The following NUP35 variants were observed in gnomAD, a reference collection of about 807,000 sequenced individuals.
NUP35 encodes the protein nucleoporin 35, also known as nucleoporin NUP35.
A neutral mutation model predicts 41.5 loss-of-function variants in NUP35; 25 were observed. The observed-to-expected ratio is 0.60, with a 90% confidence interval of 0.44 to 0.84. The LOEUF is 0.84. Among genes scored for constraint, NUP35 ranks in the 40% least tolerant of loss-of-function variants. NUP35 has a pLI of 0.00. For missense variants in NUP35, 396 were observed against 396.6 expected (o/e 1.00, Z 0.01); for synonymous variants, 149 against 130.7 (o/e 1.14, Z -0.96).
At chr2:183,132,546 G>C (rs530410237) in intron 3 of NUP35, among the ~76,000 whole-genome samples, 1 of 152,188 alleles carries the variant, frequency 6.6e-6, no homozygotes, top group South Asian at 2.1e-4. Flanking sequence ...GACAGAGTGA[G>C]ACCCTGTCTC....
At chr2:183,148,167 C>T (rs1398803946) in intron 4 of NUP35, among the ~76,000 whole-genome samples, 3 of 152,076 alleles carry the variant, frequency 2.0e-5, no homozygotes, top group Non-Finnish European at 2.9e-5. Context: ...AATAATATTC[C>T]GTTGTATATA....
chr2:183,131,501 C>T (rs1291184545), intron 3 of NUP35: 2 of 152,232 alleles, frequency 1.3e-5, no homozygotes, highest in Non-Finnish European at 2.9e-5. Flanking sequence ...CTTGATATGT[C>T]TGGCATACTA....
intron 4 of NUP35, among the ~76,000 whole-genome samples, chr2:183,140,715 C>G (rs1256281103): frequency 6.6e-6 from 1 of 150,646 alleles, no homozygotes; most frequent in Non-Finnish European, 1.5e-5. Context: ...CCCAGCTACT[C>G]AGGAGGCTGA....
chr2:183,144,476 G>A (rs72894558), intron 4 of NUP35, among the ~76,000 whole-genome samples: 11,828 of 152,132 alleles, frequency 0.078, 545 homozygotes, highest in South Asian at 0.17. Context: ...CATTTGGCTC[G>A]TATCTATTTA....
chr2:183,143,244 T>C (rs1317445745), intron 4 of NUP35, among the ~76,000 whole-genome samples: 1 of 151,840 alleles, frequency 6.6e-6, no homozygotes, highest in East Asian at 1.9e-4. Flanking sequence ...GTCTTTTTTA[T>C]TCTTGCTCTT....
chr2:183,158,460 A>C, intron 7 of NUP35, 49 bp downstream of exon 7: 1 of 1,490,416 alleles, frequency 6.7e-7, no homozygotes, highest in Non-Finnish European at 9.0e-7. Context: ...TATGAAGAGC[A>C]CAAGACCAAG....
intron 4 of NUP35, among the ~76,000 whole-genome samples, chr2:183,144,191 T>C (rs1460572590): frequency 3.3e-5 from 5 of 152,348 alleles, no homozygotes. Flanking sequence ...TTCCTTTCCA[T>C]TGTCTTCAGG....
Position 183,157,494 on chromosome 2 carries a change from G to A in NUP35, c.590G>A (p.Gly197Glu). 1.2e-6 allele frequency: 2 copies of A among 1,610,882 alleles called. No individual in the cohort carries two copies. Among genetic ancestry groups the A allele is most frequent in the Non-Finnish European group, 1.7e-6 (2 of 1,177,504 alleles). Reference sequence around the variant, plus strand: ...ATATTACTACAATTTGCACAGTATGGGAATATCTTAAAACATGTGGTAAGG... The same window carrying A: ...ATATTACTACAATTTGCACAGTATGAGAATATCTTAAAACATGTGGTAAGG... ...SYILLQFAQY[G>E]NILKHVMSNT... Residue 197 changes from glycine (G) to glutamate (E), a missense_variant, in exon 6 of 9, where the codon GGG becomes GAG. Coordinates refer to ENST00000295119, the MANE Select transcript of NUP35 (RefSeq NM_138285.5).
chr2:183,132,418 T>A (rs78073967), intron 3 of NUP35, among the ~76,000 whole-genome samples: 1 of 148,162 alleles, frequency 6.7e-6, no homozygotes, highest in Non-Finnish European at 1.5e-5. Context: ...AAAGGCTAGA[T>A]GTGGTGGTGT....
intron 4 of NUP35, among the ~76,000 whole-genome samples, chr2:183,137,261 G>A (rs1429013942): frequency 6.6e-6 from 1 of 152,162 alleles, no homozygotes; most frequent in African/African-American, 2.4e-5. Flanking sequence ...ATAGGTGGAT[G>A]ATGATGCTTT....
At chr2:183,141,405 T>C (rs1191612575) in intron 4 of NUP35, among the ~76,000 whole-genome samples, 3 of 152,240 alleles carry the variant, frequency 2.0e-5, no homozygotes, top group East Asian at 3.8e-4. Context: ...GGCTGTCATT[T>C]AGCCAGCCAC....
chr2:183,151,174 G>A (rs1352967180), intron 4 of NUP35, among the ~76,000 whole-genome samples: 1 of 152,202 alleles, frequency 6.6e-6, no homozygotes, highest in African/African-American at 2.4e-5. Context: ...GTGCTGTGAT[G>A]AAAGTGGTAG....
At chr2:183,157,586 C>T in intron 6 of NUP35, 73 bp downstream of exon 6, 1 of 1,035,112 alleles carries the variant, frequency 9.7e-7, no homozygotes, top group Non-Finnish European at 1.5e-6. Context: ...GAAACTGCTT[C>T]TGAATTTTGT....
intron 4 of NUP35, among the ~76,000 whole-genome samples, chr2:183,136,497 C>T (rs1684878420): frequency 6.6e-6 from 1 of 152,188 alleles, no homozygotes; most frequent in Admixed American, 6.5e-5. Context: ...AAGATGTTAA[C>T]TTCTAGAGGC....
intron 6 of NUP35, 24 bp from the exon 7 acceptor site, chr2:183,158,259 A>G (rs779895969): frequency 4.1e-6 from 6 of 1,458,172 alleles, no homozygotes; most frequent in Non-Finnish European, 5.5e-6. Context: ...TTTCTATTTT[A>G]AGAGACAGTT....
In NUP35 at chr2:183,159,653, G is replaced by A. The variant is rs1685797669; in HGVS notation, c.903+1G>A. ...CAAAGCCTCTACTAGTGATTATCAG[G>A]TATTTTAAGGATTGGATAAAAAAAG... On this transcript the variant is annotated splice_donor_variant, in intron 8 of 8. Transcript: ENST00000295119. LOFTEE classifies it high-confidence loss of function. 1 of 1,608,414 alleles carries A rather than the reference G, an allele frequency of 6.2e-7. No individual in the cohort carries two copies. Among genetic ancestry groups the A allele is most frequent in the African/African-American group, 1.3e-5 (1 of 74,698 alleles).
intron 4 of NUP35, among the ~76,000 whole-genome samples, chr2:183,137,053 G>A (rs1427425163): frequency 6.6e-6 from 1 of 151,964 alleles, no homozygotes; most frequent in East Asian, 1.9e-4. Context: ...TCGAGCCACT[G>A]CACTCCAGCC....
chr2:183,130,483 A>G lies in NUP35; in HGVS notation c.277A>G (p.Ser93Gly), dbSNP rs1363964473. 6.2e-7 allele frequency: 1 copy of G among 1,613,214 alleles called. No homozygotes were observed. Among genetic ancestry groups the G allele is most frequent in the Admixed American group, 1.7e-5 (1 of 59,872 alleles). ...TAAAAGTGGCGCTCCACCAGTTAGA[A>G]GTATATATGATGACATTTCTAGCCC... ...KDKSGAPPVR[S>G]IYDDISSPGL... Residue 93 changes from serine (S) to glycine (G), a missense_variant, in exon 3 of 9, where the codon AGT (serine) becomes GGT (glycine). Physicochemically the swap from Ser to Gly is moderately conservative, Grantham distance 56. Coordinates refer to ENST00000295119, the MANE Select transcript of NUP35 (RefSeq NM_138285.5).
At chr2:183,131,975 C>A (rs565334861) in intron 3 of NUP35, among the ~76,000 whole-genome samples, 58 of 152,024 alleles carry the variant, frequency 3.8e-4, no homozygotes, top group Non-Finnish European at 2.8e-4. Context: ...AATCCCAGCA[C>A]TTTGGGAGGC....
Sources: allele counts gnomAD v4.1 joint callset (sites outside exome capture counted in the v4.1 genomes callset), GRCh38; gene constraint gnomAD v4.1.1; transcripts MANE v1.5; gene names NCBI Gene and HGNC (gene_info 2026-07-23, HGNC 2026-07-21).